RUVBL1: variants seen among roughly 807,000 people sequenced by gnomAD.
RUVBL1 encodes the protein RuvB like AAA ATPase 1.
RUVBL1 carries 4 observed loss-of-function variants against 52.4 expected under a neutral mutation model. The observed-to-expected ratio is 0.08, with a 90% CI of 0.04 to 0.17. The LOEUF is 0.17. RUVBL1 is among the 10% of genes least tolerant of loss of function. The probability of loss-of-function intolerance (pLI) is 1.00; values close to 1 mark genes in which losing one functional copy is unlikely to be tolerated. For synonymous variants in RUVBL1, 217 were observed against 214.4 expected (o/e 1.01, Z -0.10); for missense variants, 298 against 572.8 (o/e 0.52, Z 4.90).
At chr3:128,134,929 A>G (rs1943929401) in intron 1 of RUVBL1, among the ~76,000 whole-genome samples, 1 of 152,218 alleles carries the variant, frequency 6.6e-6, no homozygotes, top group Non-Finnish European at 1.5e-5. Flanking sequence ...ATTGGCCTTA[A>G]AAGAAAGTAG....
chr3:128,122,670 T>C (rs1943676558), intron 1 of RUVBL1, among the ~76,000 whole-genome samples: 1 of 152,224 alleles, frequency 6.6e-6, no homozygotes, highest in Non-Finnish European at 1.5e-5. Flanking sequence ...AGCTTAACTT[T>C]ATATTAAGTG....
At chr3:128,153,601 TC>T in exon 1 of RUVBL1, 1 of 1,591,380 alleles carries the variant, frequency 6.3e-7, no homozygotes. Flanking sequence ...CACCACAGCC[TC>T]CACCGCCGCC....
Position 128,150,483 on chromosome 3 carries a change from T to TTA in RUVBL1, c.-40+2718_-40+2719dup, listed in dbSNP as rs199541222. Among the ~76,000 whole-genome samples, 941 of 142,346 alleles carry TTA rather than the reference T, an allele frequency of 6.6e-3. 8 individuals are homozygous for TTA. Among genetic ancestry groups the TTA allele is most frequent in the Middle Eastern group, 0.056 (15 of 270 alleles). The allele number at this position is 142,346 out of a possible 152,430, so 93.4% of individuals were successfully genotyped here. On this transcript the variant is annotated intron_variant, in intron 1 of 9. Transcript: ENST00000464873. ...TCCATATATGTGTATATATATTCCA[T>TTA]TATATATATATATATGTATGTTCCA... is the stretch of plus-strand genomic sequence containing the variant.
Position 128,119,321 on chromosome 3 carries a change from T to C in RUVBL1, c.228+7A>G. On this transcript the variant is annotated splice_region_variant and intron_variant, in intron 2 of 10. Coordinates refer to ENST00000322623, the MANE Select transcript of RUVBL1 (RefSeq NM_003707.3). The stretch of plus-strand genomic sequence containing the variant: ...GGTAGATTTAAAAAATGAGAGAAAA[T>C]GAGTACCTTGCCAGTTCCAGGAGGT... 5.6e-6 allele frequency: 9 copies of C among 1,611,250 alleles called. No individual in the cohort carries two copies. The highest frequency in any genetic ancestry group is 7.6e-6 in the Non-Finnish European group (9 of 1,178,046).
chr3:128,153,012 GC>G (rs1158538071), intron 1 of RUVBL1, among the ~76,000 whole-genome samples: 6 of 68,462 alleles, frequency 8.8e-5, no homozygotes, highest in Admixed American at 3.1e-4. Context: ...GCCCCCCTTC[GC>G]CCCCCCATGT....
upstream of RUVBL1, among the ~76,000 whole-genome samples, chr3:128,128,012 ATACATAC>A (rs1559832227): frequency 7.1e-4 from 37 of 51,792 alleles, no homozygotes; most frequent in African/African-American, 1.9e-3. Flanking sequence ...TAATAAATAC[ATACATAC>A]ATACATACAT....
At chr3:128,094,779 T>C (rs1420422862) in intron 8 of RUVBL1, among the ~76,000 whole-genome samples, 1 of 152,160 alleles carries the variant, frequency 6.6e-6, no homozygotes, top group Non-Finnish European at 1.5e-5. Flanking sequence ...GCTCTAGAGA[T>C]CAGATGTGGT....
chr3:128,072,393 T>C (rs1310566826), intron 9 of RUVBL1, among the ~76,000 whole-genome samples: 1 of 152,214 alleles, frequency 6.6e-6, no homozygotes, highest in Non-Finnish European at 1.5e-5. Flanking sequence ...TTAGCTGGGC[T>C]CCAGCCTCAG....
chr3:128,151,004 A>C (rs1368404479), intron 1 of RUVBL1, among the ~76,000 whole-genome samples: 2 of 94,028 alleles, frequency 2.1e-5, no homozygotes, highest in East Asian at 2.7e-4. Flanking sequence ...TATATATATT[A>C]TATTATATAT....
At chr3:128,087,564 G>A (rs1942687601) in intron 9 of RUVBL1, 142 bp downstream of exon 9, 2 of 592,006 alleles carry the variant, frequency 3.4e-6, no homozygotes. Context: ...CTGGAGTAAT[G>A]TGACTTGCTC....
At chr3:128,121,604 C>T (rs112434347) in intron 1 of RUVBL1, among the ~76,000 whole-genome samples, 89 of 149,616 alleles carry the variant, frequency 5.9e-4, no homozygotes, top group African/African-American at 2.1e-3. Flanking sequence ...CAGCTACTCA[C>T]GAGGCTGAGG....
chr3:128,142,776 G>T (rs1481369632), intron 1 of RUVBL1, among the ~76,000 whole-genome samples: 2 of 152,010 alleles, frequency 1.3e-5, no homozygotes, highest in African/African-American at 4.8e-5. Flanking sequence ...TGACCCTCCT[G>T]CCTCTCTCCT....
At chr3:128,070,583 A>G (rs1942131914) in intron 9 of RUVBL1, 1 of 152,242 alleles carries the variant, frequency 6.6e-6, no homozygotes, top group Admixed American at 6.5e-5. Context: ...TGGGCTGAAG[A>G]TCACCCAGCT....
chr3:128,073,923 TAGA>T (rs1466415029), intron 9 of RUVBL1, among the ~76,000 whole-genome samples: 2 of 152,326 alleles, frequency 1.3e-5, no homozygotes, highest in African/African-American at 4.8e-5. Context: ...TATGTTGAGT[TAGA>T]AGAATCTCCA....
intron 9 of RUVBL1, among the ~76,000 whole-genome samples, chr3:128,073,949 A>C (rs1257752661): frequency 6.6e-6 from 1 of 152,238 alleles, no homozygotes; most frequent in Non-Finnish European, 1.5e-5. Context: ...ATATGCTGTC[A>C]AGGAAGAATA....
upstream of RUVBL1, among the ~76,000 whole-genome samples, chr3:128,126,201 TTGTGTGTG>T (rs10576695): frequency 8.3e-4 from 123 of 147,622 alleles, no homozygotes; most frequent in Non-Finnish European, 6.9e-4. Context: ...AGTTGTTCCT[TTGTGTGTG>T]TGTGTGTGTG....
intron 3 of RUVBL1, among the ~76,000 whole-genome samples, chr3:128,109,632 T>C (rs1943329566): frequency 6.6e-6 from 1 of 151,956 alleles, no homozygotes; most frequent in African/African-American, 2.4e-5. Flanking sequence ...TAGCTGGGAC[T>C]ACAGGCACAC....
intron 9 of RUVBL1, among the ~76,000 whole-genome samples, chr3:128,072,506 G>A (rs965640749): frequency 6.6e-6 from 1 of 152,202 alleles, no homozygotes; most frequent in Non-Finnish European, 1.5e-5. Context: ...ACAGGTGTGG[G>A]CCTGGCCTTG....
intron 1 of RUVBL1, among the ~76,000 whole-genome samples, chr3:128,152,904 G>GTCCCCCCCCCCTCC (rs1559843198): frequency 1.6e-4 from 1 of 6,240 alleles, no homozygotes; most frequent in Non-Finnish European, 2.7e-4. Flanking sequence ...ACGTCCCCCC[G>GTCCCCCCCCCCTCC]CCCTCCCCCG....
Sources: gnomAD v4.1 joint callset for allele counts (sites outside exome capture counted in the v4.1 genomes callset) on GRCh38, gnomAD v4.1.1 for gene constraint, MANE v1.5 for transcripts, NCBI Gene and HGNC (gene_info 2026-07-23, HGNC 2026-07-21) for gene names.